Variants in RAB33A observed in about 807,000 individuals in gnomAD.
The protein encoded by RAB33A is ras-related protein Rab-33A.
In RAB33A, 6 loss-of-function variants were observed where a neutral mutation model predicts 12.0. The ratio of observed to expected loss-of-function variants is 0.50; its 90% CI spans 0.27 to 0.99. The LOEUF is 0.99. Among genes scored for constraint, RAB33A ranks in the 50% least tolerant of loss-of-function variants. The pLI is 0.11. For synonymous variants in RAB33A, 70 were observed against 82.4 expected (o/e 0.85, Z 0.81); for missense variants, 109 against 192.0 (o/e 0.57, Z 2.55).
chrX:130,117,104 C>T, the RAB33A span, among the ~76,000 whole-genome samples: 7 of 111,875 alleles, frequency 6.3e-5, no homozygotes, highest in African/African-American at 2.3e-4. Context: ...GTCCCAGCTA[C>T]GCGGGAGGCT....
the RAB33A span, among the ~76,000 whole-genome samples, chrX:130,116,095 GGTCCTTTTTTTTTT>G: frequency 2.1e-5 from 2 of 97,476 alleles, no homozygotes; most frequent in Admixed American, 2.2e-4. Context: ...AATCACCCCA[GGTCCTTTTTTTTTT>G]TTTTTTTTTT....
intron 1 of RAB33A, among the ~76,000 whole-genome samples, chrX:130,177,527 A>G (rs185747484): frequency 1.8e-5 from 2 of 111,621 alleles, no homozygotes; most frequent in East Asian, 5.6e-4. Flanking sequence ...TGCTTGCTCA[A>G]GTTGTTGCCC....
chrX:130,147,381 G>T, the RAB33A span: 1 of 985,010 alleles, frequency 1.0e-6, no homozygotes, highest in Non-Finnish European at 1.4e-6. Flanking sequence ...GTAGACTCTA[G>T]TGGACAGCCA....
chrX:130,170,538 G>A (rs1244180531), upstream of RAB33A, among the ~76,000 whole-genome samples: 1 of 112,493 alleles, frequency 8.9e-6, no homozygotes, highest in African/African-American at 3.2e-5. Flanking sequence ...CAGTAAAGTC[G>A]ATTTCAAACA....
chrX:130,164,446 T>C, the RAB33A span, among the ~76,000 whole-genome samples: 2 of 112,686 alleles, frequency 1.8e-5, no homozygotes, highest in Non-Finnish European at 3.7e-5. Context: ...TTTTCCACTT[T>C]TTATTTTTAA....
the RAB33A span, among the ~76,000 whole-genome samples, chrX:130,149,886 A>G: frequency 3.6e-5 from 4 of 112,349 alleles, no homozygotes; most frequent in Non-Finnish European, 5.6e-5. Flanking sequence ...TACTAGAAGA[A>G]TAAAGTGCTA....
the RAB33A span, chrX:130,133,534 G>A: frequency 9.0e-7 from 1 of 1,116,530 alleles, no homozygotes; most frequent in East Asian, 3.0e-5. Context: ...AACTTTGGGG[G>A]CTCAAAGAAC....
chrX:130,134,731 G>A, the RAB33A span, among the ~76,000 whole-genome samples: 1 of 111,331 alleles, frequency 9.0e-6, no homozygotes, highest in Non-Finnish European at 1.9e-5. Context: ...TGTGGCATTT[G>A]AGCTCTCTAA....
chrX:130,111,312 A>G, the RAB33A span, among the ~76,000 whole-genome samples: 1 of 112,036 alleles, frequency 8.9e-6, no homozygotes, highest in African/African-American at 3.2e-5. Context: ...CCCCGCAGAG[A>G]AATCCCTTCC....
upstream of RAB33A, among the ~76,000 whole-genome samples, chrX:130,167,341 C>T (rs1395103896): frequency 8.9e-6 from 1 of 112,451 alleles, no homozygotes; most frequent in Non-Finnish European, 1.9e-5. Flanking sequence ...TGTAAAGTGT[C>T]TTAGAGGAAG....
chrX:130,149,384 A>G, the RAB33A span: 6 of 760,784 alleles, frequency 7.9e-6, no homozygotes, highest in African/African-American at 1.2e-4. Context: ...CTTCTACAAG[A>G]CATCCATAAA....
At chrX:130,151,231 C>T in the RAB33A span, among the ~76,000 whole-genome samples, 1 of 108,570 alleles carries the variant, frequency 9.2e-6, no homozygotes, top group South Asian at 4.1e-4. Context: ...ACCTCTGCCT[C>T]CTGGGTTCAA....
the RAB33A span, chrX:130,156,419 G>A: frequency 1.7e-6 from 2 of 1,206,658 alleles, no homozygotes; most frequent in Non-Finnish European, 2.2e-6. Context: ...ATTAATGGGA[G>A]CTGTTTGGCA....
chrX:130,130,096 C>T, the RAB33A span: 285 of 1,209,955 alleles, frequency 2.4e-4, no homozygotes, highest in Non-Finnish European at 2.9e-4. Context: ...GTGGAACTGC[C>T]GGGGTGCTGG....
At position 130,184,799 on chromosome X, in the gene RAB33A, C is replaced by G. The variant is rs192613114; in HGVS notation, c.*59C>G. ...CTGGAGTTTTTTCTTTCCCTTTTTT[C>G]TGTGCCTGCATAATGCTGACACCTG... On this transcript the variant is annotated 3_prime_UTR_variant, in exon 2 of 2. Transcript: ENST00000257017. 85 of 1,042,455 alleles carry G rather than the reference C, an allele frequency of 8.2e-5. No individual in the cohort carries two copies. In the East Asian group the frequency reaches 2.6e-3, roughly 32 times the overall value. 85.9% of individuals were successfully genotyped at this position (1,042,455 alleles called of 1,213,427 possible).
chrX:130,173,934 C>T (rs2031637265), intron 1 of RAB33A, among the ~76,000 whole-genome samples: 3 of 111,547 alleles, frequency 2.7e-5, no homozygotes, highest in African/African-American at 9.8e-5. Flanking sequence ...CTACAGTGAG[C>T]CAAAGAGTTC....
intron 1 of RAB33A, among the ~76,000 whole-genome samples, chrX:130,182,892 G>A (rs971906960): frequency 9.0e-6 from 1 of 111,129 alleles, no homozygotes; most frequent in Admixed American, 9.5e-5. Flanking sequence ...CCCACTGTAC[G>A]GATATATTTT....
At chrX:130,165,813 C>G in the RAB33A span, 1 of 531,382 alleles carries the variant, frequency 1.9e-6, no homozygotes, top group South Asian at 2.5e-5. Context: ...GACAGAGAAG[C>G]CGGCCTGCTA....
At chrX:130,127,041 G>C in the RAB33A span, among the ~76,000 whole-genome samples, 1 of 110,029 alleles carries the variant, frequency 9.1e-6, no homozygotes, top group Non-Finnish European at 1.9e-5. Context: ...AACCAGGTGT[G>C]TGTGTGTGTG....
Sources: allele counts gnomAD v4.1 joint callset (sites outside exome capture counted in the v4.1 genomes callset), GRCh38; gene constraint gnomAD v4.1.1; transcripts MANE v1.5; gene names NCBI Gene and HGNC (gene_info 2026-07-23, HGNC 2026-07-21).